NMNAT2: variants seen among roughly 807,000 people sequenced by gnomAD.
NMNAT2 encodes the protein nicotinamide/nicotinic acid mononucleotide adenylyltransferase 2.
Under a neutral mutation model 41.6 loss-of-function variants are expected in NMNAT2, and 11 were observed. That is an observed-to-expected ratio of 0.26 (90% CI 0.17 to 0.44). NMNAT2 has a LOEUF of 0.44. NMNAT2 is among the 20% of genes least tolerant of loss of function. The pLI, the probability that NMNAT2 is intolerant of heterozygous loss-of-function variation, is 1.00. For missense variants in NMNAT2, 288 were observed against 407.7 expected, an observed-to-expected ratio of 0.71 and a Z score of 2.53; for synonymous variants, 148 against 151.2, an observed-to-expected ratio of 0.98 and a Z score of 0.16.
chr1:183,286,608 C>A, intron 5 of NMNAT2, 54 bp downstream of exon 5: 1 of 1,489,292 alleles, frequency 6.7e-7, no homozygotes, highest in South Asian at 1.3e-5. Context: ...ATTAATTTAA[C>A]AAGCCCTCCA....
intron 6 of NMNAT2, among the ~76,000 whole-genome samples, 161 bp from the exon 7 acceptor site, chr1:183,284,200 A>G (rs1196790380): frequency 6.6e-6 from 1 of 152,216 alleles, no homozygotes; most frequent in African/African-American, 2.4e-5. Flanking sequence ...GAGAGCAGTC[A>G]GGCATAAAAC....
intron 8 of NMNAT2, among the ~76,000 whole-genome samples, chr1:183,270,874 G>T (rs190033353): frequency 9.8e-5 from 15 of 152,290 alleles, no homozygotes; most frequent in African/African-American, 3.4e-4. Flanking sequence ...GCCAAAGTTT[G>T]TCTTTGTTCC....
intron 1 of NMNAT2, among the ~76,000 whole-genome samples, chr1:183,416,666 C>T (rs886375009): frequency 2.0e-5 from 3 of 152,174 alleles, no homozygotes; most frequent in Non-Finnish European, 4.4e-5. Context: ...CTCTCAGCCT[C>T]CCTCCTTCTA....
chr1:183,310,199 A>G (rs891654738), intron 1 of NMNAT2, among the ~76,000 whole-genome samples: 1 of 152,208 alleles, frequency 6.6e-6, no homozygotes, highest in African/African-American at 2.4e-5. Flanking sequence ...CATTCTTAAA[A>G]TACTGAATTT....
chr1:183,322,175 T>A (rs571127096), intron 1 of NMNAT2, among the ~76,000 whole-genome samples: 1 of 152,228 alleles, frequency 6.6e-6, no homozygotes, highest in Admixed American at 6.5e-5. Context: ...AACACCGAAT[T>A]CCTTTTAAAT....
intron 1 of NMNAT2, among the ~76,000 whole-genome samples, chr1:183,410,187 A>G (rs1011375436): frequency 7.3e-5 from 11 of 150,630 alleles, no homozygotes; most frequent in Non-Finnish European, 1.3e-4. Context: ...GCCGGGCATG[A>G]TGGCGGGTGC....
rs1661601578 is a variant in NMNAT2 at position 183,293,572 on chromosome 1, A to G, written c.174+133T>C. ...CTGAGATGGGAAGCAGGATAGACGC[A>G]TGGACCTGGGCATTTTGTGTTTCCA... On this transcript the variant is annotated intron_variant, in intron 2 of 10. Coordinates refer to ENST00000287713, the MANE Select transcript of NMNAT2 (RefSeq NM_015039.4). The G allele has an allele frequency of 7.1e-6, 5 of 707,382 alleles. No homozygotes were observed. In the Admixed American group the frequency reaches 1.1e-4, roughly 15 times the overall value. The allele number at this position is 707,382 out of a possible 1,614,324, so 43.8% of individuals were successfully genotyped here.
intron 1 of NMNAT2, among the ~76,000 whole-genome samples, chr1:183,325,942 C>A (rs1027900315): frequency 1.3e-5 from 2 of 152,118 alleles, no homozygotes; most frequent in Non-Finnish European, 2.9e-5. Flanking sequence ...CTGCCATGTC[C>A]CTGCCACGAG....
At chr1:183,309,156 C>T (rs988542364) in intron 1 of NMNAT2, among the ~76,000 whole-genome samples, 40 of 152,148 alleles carry the variant, frequency 2.6e-4, no homozygotes, top group Admixed American at 7.2e-4. Flanking sequence ...CATGCCACCA[C>T]ACCAGGCCAA....
chr1:183,395,938 C>T (rs1648626339), intron 1 of NMNAT2, among the ~76,000 whole-genome samples: 1 of 152,106 alleles, frequency 6.6e-6, no homozygotes, highest in Non-Finnish European at 1.5e-5. Context: ...TAGATTTGGT[C>T]CCAGACTTCT....
chr1:183,319,111 C>G (rs1662310200), intron 1 of NMNAT2, among the ~76,000 whole-genome samples: 1 of 152,136 alleles, frequency 6.6e-6, no homozygotes, highest in East Asian at 1.9e-4. Flanking sequence ...GCAGCAGAAG[C>G]TATGCTGAAG....
chr1:183,265,093 C>T (rs927675858), intron 8 of NMNAT2, among the ~76,000 whole-genome samples: 1 of 152,104 alleles, frequency 6.6e-6, no homozygotes, highest in Non-Finnish European at 1.5e-5. Context: ...CATGTATCAG[C>T]TGCCTTCTCA....
Position 183,286,667 on chromosome 1 carries a change from G to A in NMNAT2, c.443C>T (p.Thr148Ile). The change falls in exon 5 of 11, where the codon ACT becomes ATT. Residue 148 changes from threonine (T) to isoleucine (I), a missense_variant. Physicochemically the swap from Thr to Ile is moderately conservative, Grantham distance 89. Transcript: ENST00000287713. ...ACACATCAGTGTTCCCCTACCTGCAGTGGGCTTGGTGGCCACGTTGCTGTT... is the reference window on the plus strand; with the variant it reads ...ACACATCAGTGTTCCCCTACCTGCAATGGGCTTGGTGGCCACGTTGCTGTT... ...YQNSNVATKP[T>I]AAKILGKVGE... 5 of 1,608,944 alleles carry A rather than the reference G, an allele frequency of 3.1e-6. No individual in the cohort carries two copies. Among genetic ancestry groups the A allele is most frequent in the Non-Finnish European group, 3.4e-6 (4 of 1,177,578 alleles).
At chr1:183,286,844 G>A (rs1661414198) in intron 4 of NMNAT2, 56 bp from the exon 5 acceptor site, 2 of 1,563,398 alleles carry the variant, frequency 1.3e-6, no homozygotes, top group Non-Finnish European at 1.7e-6. Context: ...TCGTTTCAAA[G>A]TTATCTCCAA....
chr1:183,254,298 A>C (rs2102272838), intron 10 of NMNAT2, among the ~76,000 whole-genome samples: 1 of 152,158 alleles, frequency 6.6e-6, no homozygotes, highest in South Asian at 2.1e-4. Flanking sequence ...GTGAGGTAGA[A>C]TCTCATAATG....
At chr1:183,258,889 A>G (rs555329283) in intron 10 of NMNAT2, among the ~76,000 whole-genome samples, 15 of 152,282 alleles carry the variant, frequency 9.9e-5, no homozygotes, top group African/African-American at 3.6e-4. Flanking sequence ...TCCCCAACCC[A>G]TGAAGTTTTC....
intron 10 of NMNAT2, among the ~76,000 whole-genome samples, chr1:183,255,662 GT>G (rs56106186): frequency 0.63 from 63,689 of 100,650 alleles, 18,965 homozygotes; most frequent in Middle Eastern, 0.8. Context: ...ATTCCTAAGG[GT>G]TTTTTTTTTT....
intron 1 of NMNAT2, among the ~76,000 whole-genome samples, chr1:183,405,166 G>A (rs1320509566): frequency 6.6e-6 from 1 of 152,174 alleles, no homozygotes; most frequent in Non-Finnish European, 1.5e-5. Flanking sequence ...GCTGCAGTGA[G>A]CTGTGGTGGC....
chr1:183,310,348 G>A (rs1662085066), intron 1 of NMNAT2, among the ~76,000 whole-genome samples: 1 of 152,166 alleles, frequency 6.6e-6, no homozygotes, highest in Non-Finnish European at 1.5e-5. Context: ...TCATTCTAAT[G>A]CTTTAGAACT....
Sources: gnomAD v4.1 joint callset for allele counts (sites outside exome capture counted in the v4.1 genomes callset) on GRCh38, gnomAD v4.1.1 for gene constraint, MANE v1.5 for transcripts, NCBI Gene and HGNC (gene_info 2026-07-23, HGNC 2026-07-21) for gene names.